The following PLPPR1 variants were observed in gnomAD, a reference collection of about 807,000 sequenced individuals.
PLPPR1 encodes the protein phospholipid phosphatase-related protein type 1.
PLPPR1 carries 10 observed loss-of-function variants against 33.1 expected under a neutral mutation model. The ratio of observed to expected loss-of-function variants is 0.30; its 90% CI spans 0.19 to 0.51. The LOEUF is 0.51. Among genes scored for constraint, PLPPR1 ranks in the 20% least tolerant of loss-of-function variants. The pLI, the probability that PLPPR1 is intolerant of heterozygous loss-of-function variation, is 0.97. For missense variants in PLPPR1, 304 were observed against 408.1 expected, an observed-to-expected ratio of 0.74 and a Z score of 2.20; for synonymous variants, 151 against 151.0, an observed-to-expected ratio of 1.00 and a Z score of 0.00.
chr9:101,048,399 T>C (rs1164031433), intron 1 of PLPPR1, among the ~76,000 whole-genome samples: 3 of 152,172 alleles, frequency 2.0e-5, no homozygotes, highest in African/African-American at 7.2e-5. Flanking sequence ...CCTGAGCTAA[T>C]TAAAAGTCAC....
intron 1 of PLPPR1, among the ~76,000 whole-genome samples, chr9:101,127,313 CA>C (rs770716165): frequency 2.0e-5 from 3 of 152,130 alleles, no homozygotes; most frequent in Non-Finnish European, 2.9e-5. Context: ...GTCATGGGGG[CA>C]ACGAAGTCCG....
intron 2 of PLPPR1, among the ~76,000 whole-genome samples, chr9:101,200,883 A>G (rs1826480098): frequency 6.6e-6 from 1 of 152,100 alleles, no homozygotes; most frequent in Non-Finnish European, 1.5e-5. Context: ...GTAAAGACTC[A>G]TTTTCCCTGG....
chr9:101,318,985 G>A (rs1390088012), intron 7 of PLPPR1, among the ~76,000 whole-genome samples: 1 of 152,052 alleles, frequency 6.6e-6, no homozygotes, highest in Non-Finnish European at 1.5e-5. Context: ...GTCATAGTCT[G>A]TTTATCGTAA....
intron 4 of PLPPR1, among the ~76,000 whole-genome samples, chr9:101,297,200 C>G (rs1305655572): frequency 1.3e-5 from 2 of 151,944 alleles, no homozygotes; most frequent in Non-Finnish European, 2.9e-5. Context: ...TTTTAGAAAT[C>G]AGAAAAAGAA....
chr9:101,195,371 G>A (rs1354129852), intron 2 of PLPPR1, among the ~76,000 whole-genome samples: 2 of 151,954 alleles, frequency 1.3e-5, no homozygotes, highest in Non-Finnish European at 2.9e-5. Flanking sequence ...CTACTGAAAA[G>A]TAAGTCCCAA....
chr9:101,295,884 A>G, intron 4 of PLPPR1, among the ~76,000 whole-genome samples: 1 of 146,514 alleles, frequency 6.8e-6, no homozygotes, highest in Admixed American at 6.8e-5. Context: ...TTCAGGACAT[A>G]GGCATGGGCA....
chr9:101,164,724 A>T (rs984965089), intron 1 of PLPPR1, among the ~76,000 whole-genome samples: 3 of 151,998 alleles, frequency 2.0e-5, no homozygotes, highest in Non-Finnish European at 2.9e-5. Flanking sequence ...AGCATTATAA[A>T]TTTTTTCCCT....
intron 1 of PLPPR1, among the ~76,000 whole-genome samples, chr9:101,047,578 A>G (rs921583730): frequency 2.0e-5 from 3 of 152,156 alleles, no homozygotes; most frequent in Non-Finnish European, 2.9e-5. Flanking sequence ...AGCAGTCTCC[A>G]TCGTAACCTT....
At chr9:101,294,133 C>T (rs781113987) in intron 4 of PLPPR1, among the ~76,000 whole-genome samples, 6,276 of 151,604 alleles carry the variant, frequency 0.041, 157 homozygotes, top group South Asian at 0.11. Flanking sequence ...ACCACCGATC[C>T]CACAGAAATA....
intron 1 of PLPPR1, among the ~76,000 whole-genome samples, chr9:101,045,970 G>C (rs1009575433): frequency 1.3e-5 from 2 of 152,084 alleles, no homozygotes; most frequent in African/African-American, 2.4e-5. Context: ...ACATCCTCCA[G>C]ATATGGACAT....
intron 2 of PLPPR1, among the ~76,000 whole-genome samples, chr9:101,194,600 A>T (rs1043397128): frequency 5.9e-5 from 9 of 152,012 alleles, no homozygotes; most frequent in Non-Finnish European, 1.2e-4. Context: ...AAATACAAAA[A>T]ATTAGCCAGG....
At chr9:101,039,593 G>C (rs1645736379) in intron 1 of PLPPR1, among the ~76,000 whole-genome samples, 2 of 152,046 alleles carry the variant, frequency 1.3e-5, no homozygotes, top group African/African-American at 4.8e-5. Context: ...CCTGAGACTG[G>C]GCAATTTACA....
chr9:101,319,985 TTCTC>T lies in PLPPR1; in HGVS notation c.945+2493_945+2496del, dbSNP rs578229009. ...TGTCTAATGTCTTCCCTAGACTTCTTTCTCTCTTAATTCTCAGGGCCACTGATGG... is the reference window on the plus strand; with the variant it reads ...TGTCTAATGTCTTCCCTAGACTTCTTTCTTAATTCTCAGGGCCACTGATGG... On this transcript the variant is annotated intron_variant, in intron 7 of 7. Coordinates refer to ENST00000374874, the MANE Select transcript of PLPPR1 (RefSeq NM_207299.2). 1.0e-3 allele frequency among the ~76,000 whole-genome samples: 158 copies of T among 152,292 alleles called. 1 individual carries two copies. The highest frequency in any genetic ancestry group is 3.6e-3 in the African/African-American group (149 of 41,562).
chr9:101,068,237 T>C (rs1830443010), intron 1 of PLPPR1, among the ~76,000 whole-genome samples: 1 of 152,042 alleles, frequency 6.6e-6, no homozygotes, highest in South Asian at 2.1e-4. Flanking sequence ...ATAAATTATT[T>C]CTAGGGAAAA....
intron 1 of PLPPR1, among the ~76,000 whole-genome samples, chr9:101,142,235 A>T (rs1206021195): frequency 1.3e-5 from 2 of 152,204 alleles, no homozygotes; most frequent in African/African-American, 4.8e-5. Flanking sequence ...AAACTTTGTC[A>T]TTCTAGCTAT....
intron 1 of PLPPR1, among the ~76,000 whole-genome samples, chr9:101,167,185 T>TGTGTGTGTGTGTGTGTGTGTGTG (rs1491118695): frequency 1.4e-3 from 98 of 68,108 alleles, no homozygotes; most frequent in Non-Finnish European, 2.1e-3. Context: ...TGTGTGTGTC[T>TGTGTGTGTGTGTGTGTGTGTGTG]TTCTCTCTCT....
chr9:101,127,807 A>G lies in PLPPR1; in HGVS notation c.-45-57643A>G, dbSNP rs531894308. 2.6e-5 allele frequency among the ~76,000 whole-genome samples: 4 copies of G among 152,238 alleles called. No homozygotes were observed. In the South Asian group the frequency reaches 8.3e-4, roughly 32 times the overall value. ...ACATGTTCCAAGACTCTTTTACATT[A>G]TGTCAGACATGCAAGCCTTGCCCCA... is the stretch of plus-strand genomic sequence containing the variant. On this transcript the variant is annotated intron_variant, in intron 1 of 7. Transcript: ENST00000374874.
chr9:101,053,498 A>G (rs1363158439), intron 1 of PLPPR1, among the ~76,000 whole-genome samples: 3 of 152,160 alleles, frequency 2.0e-5, no homozygotes, highest in Non-Finnish European at 1.5e-5. Context: ...AAATCCCTTG[A>G]ATTTTATGTC....
At chr9:101,114,521 G>T (rs955250806) in intron 1 of PLPPR1, among the ~76,000 whole-genome samples, 1 of 152,158 alleles carries the variant, frequency 6.6e-6, no homozygotes, top group African/African-American at 2.4e-5. Context: ...AGGGAGAGAG[G>T]TAGGAGTATC....
Sources: gnomAD v4.1 joint callset for allele counts (sites outside exome capture counted in the v4.1 genomes callset) on GRCh38, gnomAD v4.1.1 for gene constraint, MANE v1.5 for transcripts, NCBI Gene and HGNC (gene_info 2026-07-23, HGNC 2026-07-21) for gene names.